The following ANXA5 variants were observed in gnomAD, a reference collection of about 807,000 sequenced individuals.
ANXA5 encodes CBP-I.
ANXA5 carries 40 observed loss-of-function variants against 48.1 expected under a neutral mutation model. The observed-to-expected ratio is 0.83, with a 90% CI of 0.65 to 1.08. The LOEUF (loss-of-function observed/expected upper bound fraction) is 1.08, where lower values mean the gene tolerates loss of function less well. Ranked by LOEUF, ANXA5 falls within the 50% of genes least tolerant of loss-of-function variation. The probability of loss-of-function intolerance (pLI) is 0.00; values close to 1 mark genes in which losing one functional copy is unlikely to be tolerated. For missense variants in ANXA5, 357 were observed against 376.8 expected (o/e 0.95, Z 0.44); for synonymous variants, 113 against 129.1 (o/e 0.88, Z 0.85).
In ANXA5 at chr4:121,695,282, G is replaced by A. The variant is rs543993088; in HGVS notation, c.9+1299C>T. 3.2e-3 allele frequency among the ~76,000 whole-genome samples: 489 copies of A among 152,288 alleles called. 1 individual carries two copies. The highest frequency in any genetic ancestry group is 0.011 in the African/African-American group (458 of 41,550). On this transcript the variant is annotated intron_variant, in intron 2 of 12. Coordinates refer to ENST00000296511, the MANE Select transcript of ANXA5 (RefSeq NM_001154.4). ...TACTGTAACATTTAAGTGCAAAAGA[G>A]GAGGTAAGAATGGGATCACTGTGTA...
rs112869698 is a variant in ANXA5 at position 121,673,298 on chromosome 4, T to A, written c.532-672A>T. 9.8e-4 allele frequency among the ~76,000 whole-genome samples: 149 copies of A among 152,292 alleles called. 1 individual carries two copies. Among genetic ancestry groups the A allele is most frequent in the African/African-American group, 3.5e-3 (144 of 41,570 alleles). On this transcript the variant is annotated intron_variant, in intron 8 of 12. Transcript: ENST00000296511. ...GTGCACGTATAGCTGCCTAAAAAAATAAGCTTATATACAAACATCAACGTT... is the reference window on the plus strand; with the variant it reads ...GTGCACGTATAGCTGCCTAAAAAAAAAAGCTTATATACAAACATCAACGTT...
In ANXA5 at chr4:121,672,372, C is replaced by A. The variant is rs117028412; in HGVS notation, c.625+161G>T. On this transcript the variant is annotated intron_variant, in intron 9 of 12. Coordinates refer to ENST00000296511, the MANE Select transcript of ANXA5 (RefSeq NM_001154.4). ...TAGTTTGTAAAAGCTACAACAGCAG[C>A]AAAAACAATGTTGAGATTTCTCCAG... Among the ~76,000 whole-genome samples, 389 of 152,266 alleles carry A rather than the reference C, an allele frequency of 2.6e-3. 12 individuals are homozygous for A. In the East Asian group the frequency reaches 0.059, roughly 23 times the overall value.
chr4:121,692,469 A>G (rs1422900987), intron 2 of ANXA5, among the ~76,000 whole-genome samples: 1 of 152,230 alleles, frequency 6.6e-6, no homozygotes, highest in Non-Finnish European at 1.5e-5. Flanking sequence ...TTGGCCTCCC[A>G]TGAGTTCACA....
At chr4:121,696,185 T>TG (rs200179015) in intron 2 of ANXA5, among the ~76,000 whole-genome samples, 702 of 42,760 alleles carry the variant, frequency 0.016, 7 homozygotes, top group Middle Eastern at 0.075. Flanking sequence ...GGGGGCGGGG[T>TG]GGGGGGGGAA....
chr4:121,668,364 T>G lies in ANXA5; in HGVS notation c.*104A>C. ...TTGGTCATGAGCATGCTAGTATGAA[T>G]AAGGCAATGTGTTAAGCACTGGCAT... On this transcript the variant is annotated 3_prime_UTR_variant, in exon 13 of 13. Transcript: ENST00000296511. 2.1e-6 allele frequency: 2 copies of G among 970,380 alleles called. No homozygotes were observed. Among genetic ancestry groups the G allele is most frequent in the Non-Finnish European group, 3.3e-6 (2 of 603,506 alleles). The allele number at this position is 970,380 out of a possible 1,614,324, so 60.1% of individuals were successfully genotyped here.
intron 8 of ANXA5, among the ~76,000 whole-genome samples, chr4:121,673,307 A>G (rs1384501533): frequency 6.6e-6 from 1 of 152,246 alleles, no homozygotes; most frequent in African/African-American, 2.4e-5. Context: ...ATAAGCTTAT[A>G]TACAAACATC....
At position 121,672,457 on chromosome 4, in the gene ANXA5, G is replaced by T; in HGVS notation, c.625+76C>A. 8 of 961,680 alleles carry T rather than the reference G, an allele frequency of 8.3e-6. No individual in the cohort carries two copies. The South Asian group carries it at 1.1e-4, about 13-fold the overall frequency. 59.6% of individuals were successfully genotyped at this position (961,680 alleles called of 1,614,324 possible). Reference sequence around the variant, plus strand: ...TTCTCTAAGTCCCTGCTATGTAGCAGGTATTCTGTCACACTGGCTCATGCA... The same window carrying T: ...TTCTCTAAGTCCCTGCTATGTAGCATGTATTCTGTCACACTGGCTCATGCA... On this transcript the variant is annotated intron_variant, in intron 9 of 12. Coordinates refer to ENST00000296511, the MANE Select transcript of ANXA5 (RefSeq NM_001154.4).
intron 3 of ANXA5, 130 bp downstream of exon 3, chr4:121,686,158 G>C (rs1281928123): frequency 7.8e-6 from 5 of 640,632 alleles, no homozygotes; most frequent in Non-Finnish European, 1.3e-5. Flanking sequence ...GTATTATTTT[G>C]TTATCTTAAC....
chr4:121,683,986 T>C (rs1322968964), intron 4 of ANXA5, among the ~76,000 whole-genome samples: 1 of 152,036 alleles, frequency 6.6e-6, no homozygotes, highest in Non-Finnish European at 1.5e-5. Flanking sequence ...ATTGTGTATG[T>C]AATTATGAAA....
chr4:121,673,035 G>A (rs1424221816), intron 8 of ANXA5, among the ~76,000 whole-genome samples: 1 of 152,130 alleles, frequency 6.6e-6, no homozygotes, highest in Non-Finnish European at 1.5e-5. Context: ...TGTTTTGCTT[G>A]TTCTATAGCT....
intron 2 of ANXA5, among the ~76,000 whole-genome samples, chr4:121,689,585 G>A (rs1266740620): frequency 1.3e-5 from 2 of 152,134 alleles, no homozygotes; most frequent in Non-Finnish European, 2.9e-5. Context: ...TTGGTACTTT[G>A]GCTAAAGAGT....
intron 4 of ANXA5, among the ~76,000 whole-genome samples, chr4:121,684,056 C>G (rs1724836019): frequency 6.6e-6 from 1 of 151,426 alleles, no homozygotes; most frequent in African/African-American, 2.4e-5. Flanking sequence ...TTCAGCATAC[C>G]ACACAACTAA....
intron 10 of ANXA5, among the ~76,000 whole-genome samples, chr4:121,670,438 T>G (rs1724594031): frequency 6.6e-6 from 1 of 152,196 alleles, no homozygotes; most frequent in Non-Finnish European, 1.5e-5. Flanking sequence ...TTTTAAACTC[T>G]TGGGTGATCT....
chr4:121,693,329 T>TATGTTTAC (rs1393592646), intron 2 of ANXA5, among the ~76,000 whole-genome samples: 2 of 152,032 alleles, frequency 1.3e-5, no homozygotes, highest in African/African-American at 4.8e-5. Context: ...TATGTTTACA[T>TATGTTTAC]ATTATGTAAA....
At chr4:121,677,634 A>T (rs1033394695) in intron 8 of ANXA5, among the ~76,000 whole-genome samples, 6 of 152,172 alleles carry the variant, frequency 3.9e-5, no homozygotes, top group Non-Finnish European at 5.9e-5. Context: ...GTGAATGTTC[A>T]ATAATCACAA....
At chr4:121,691,579 A>C (rs1278031406) in intron 2 of ANXA5, among the ~76,000 whole-genome samples, 1 of 152,004 alleles carries the variant, frequency 6.6e-6, no homozygotes, top group African/African-American at 2.4e-5. Context: ...ATTAACTAGG[A>C]GCTGGAAATC....
intron 3 of ANXA5, among the ~76,000 whole-genome samples, chr4:121,685,836 G>C (rs1019835965): frequency 6.6e-6 from 1 of 152,156 alleles, no homozygotes; most frequent in Non-Finnish European, 1.5e-5. Context: ...TACCACACAG[G>C]TGAGGGTGAC....
At chr4:121,678,563 T>A in intron 6 of ANXA5, 69 bp from the exon 7 acceptor site, 1 of 1,273,322 alleles carries the variant, frequency 7.9e-7, no homozygotes, top group South Asian at 1.3e-5. Context: ...GCCCCATTAA[T>A]CAAATGAAAG....
chr4:121,675,863 T>A (rs1324734421), intron 8 of ANXA5, among the ~76,000 whole-genome samples: 2 of 152,222 alleles, frequency 1.3e-5, no homozygotes, highest in East Asian at 3.8e-4. Flanking sequence ...AGCAGTGCTA[T>A]CCAGTAAGTG....
Sources: gnomAD v4.1 joint callset for allele counts (sites outside exome capture counted in the v4.1 genomes callset) on GRCh38, gnomAD v4.1.1 for gene constraint, MANE v1.5 for transcripts, NCBI Gene and HGNC (gene_info 2026-07-23, HGNC 2026-07-21) for gene names.